GAB1: variants seen among roughly 807,000 people sequenced by gnomAD.
GAB1 encodes the protein GRB2-associated-binding protein 1.
In GAB1, 19 loss-of-function variants were observed where a neutral mutation model predicts 66.5. The ratio of observed to expected loss-of-function variants is 0.29; its 90% confidence interval spans 0.20 to 0.42. GAB1 has a LOEUF of 0.42. Among genes scored for constraint, GAB1 ranks in the 10% least tolerant of loss-of-function variants. The pLI, the probability that GAB1 is intolerant of heterozygous loss-of-function variation, is 1.00. For synonymous variants in GAB1, 294 were observed against 301.4 expected (o/e 0.98, Z 0.25); for missense variants, 732 against 858.5 (o/e 0.85, Z 1.84).
At chr4:143,350,806 A>G (rs892685531) in intron 1 of GAB1, among the ~76,000 whole-genome samples, 1 of 152,222 alleles carries the variant, frequency 6.6e-6, no homozygotes, top group African/African-American at 2.4e-5. Flanking sequence ...ATTATGTAAA[A>G]AAATGTGTTC....
At chr4:143,460,219 A>G in intron 7 of GAB1, 145 bp from the exon 8 acceptor site, 1 of 653,204 alleles carries the variant, frequency 1.5e-6, no homozygotes, top group Non-Finnish European at 2.5e-6. Flanking sequence ...CAAAAATTAC[A>G]TCATTATAAA....
intron 1 of GAB1, among the ~76,000 whole-genome samples, chr4:143,387,271 A>G (rs1348272342): frequency 1.3e-5 from 2 of 152,180 alleles, no homozygotes; most frequent in East Asian, 3.9e-4. Flanking sequence ...AGCTGGGATT[A>G]CAGGCATGCG....
intron 6 of GAB1, among the ~76,000 whole-genome samples, chr4:143,448,766 G>T (rs1443090663): frequency 2.0e-5 from 3 of 151,394 alleles, no homozygotes; most frequent in Non-Finnish European, 4.4e-5. Flanking sequence ...AATTTTTGAA[G>T]GGTTTTTTGT....
intron 1 of GAB1, among the ~76,000 whole-genome samples, chr4:143,367,976 C>T (rs1356068499): frequency 2.0e-5 from 3 of 152,006 alleles, no homozygotes; most frequent in Non-Finnish European, 4.4e-5. Context: ...CCATCCGCCT[C>T]AGCCTCCCAA....
intron 1 of GAB1, among the ~76,000 whole-genome samples, chr4:143,369,236 C>T (rs1033075445): frequency 7.9e-5 from 12 of 152,110 alleles, no homozygotes; most frequent in Middle Eastern, 3.4e-3. Flanking sequence ...CCACCGCACC[C>T]GGCCATTTTT....
At chr4:143,337,289 G>C (rs1316276364) in intron 1 of GAB1, 29 bp downstream of exon 1, 2 of 1,550,982 alleles carry the variant, frequency 1.3e-6, no homozygotes, top group South Asian at 1.2e-5. Flanking sequence ...ACCACTCCGC[G>C]GGCCTCGGCG....
chr4:143,455,458 A>T (rs1312166062), intron 6 of GAB1, among the ~76,000 whole-genome samples: 4 of 152,202 alleles, frequency 2.6e-5, no homozygotes, highest in Non-Finnish European at 5.9e-5. Flanking sequence ...AGCAAAGCTG[A>T]GAAATGCAAA....
At chr4:143,426,405 A>T (rs1352013765) in intron 2 of GAB1, among the ~76,000 whole-genome samples, 1 of 152,226 alleles carries the variant, frequency 6.6e-6, no homozygotes, top group African/African-American at 2.4e-5. Context: ...TAAAAAATTA[A>T]CCAGATGTGG....
At position 143,469,320 on chromosome 4, in the gene GAB1, T is replaced by A. The variant is rs1735969327; in HGVS notation, c.*131T>A. ...TAGAGTTGAAGTCAAAGGACCTTTC[T>A]GACATAATCAAGCAATTTAGACTTA... On this transcript the variant is annotated 3_prime_UTR_variant, in exon 10 of 10. Transcript: ENST00000262994. 2.1e-6 allele frequency: 2 copies of A among 931,898 alleles called. No homozygotes were observed. The highest frequency in any genetic ancestry group is 3.6e-5 in the South Asian group (2 of 55,962). The allele number at this position is 931,898 out of a possible 1,614,324, so 57.7% of individuals were successfully genotyped here.
chr4:143,429,528 C>T (rs143004161), intron 2 of GAB1, among the ~76,000 whole-genome samples: 111 of 152,236 alleles, frequency 7.3e-4, no homozygotes, highest in African/African-American at 2.6e-3. Context: ...GTTGGGTAAA[C>T]GCCTCTCTTC....
At chr4:143,419,814 G>T (rs1253473655) in intron 2 of GAB1, among the ~76,000 whole-genome samples, 1 of 152,076 alleles carries the variant, frequency 6.6e-6, no homozygotes, top group Admixed American at 6.6e-5. Context: ...TGAAGTATTT[G>T]TTGAGTTTCT....
intron 1 of GAB1, 105 bp from the exon 2 acceptor site, chr4:143,415,372 C>A: frequency 1.1e-6 from 1 of 905,170 alleles, no homozygotes; most frequent in Non-Finnish European, 1.6e-6. Context: ...CATATTGTGA[C>A]TTTCTCTAAA....
At chr4:143,430,824 T>G (rs530845271) in intron 2 of GAB1, among the ~76,000 whole-genome samples, 1 of 152,348 alleles carries the variant, frequency 6.6e-6, no homozygotes, top group Admixed American at 6.5e-5. Context: ...ACTTGGAATT[T>G]CTTTTGCAAG....
chr4:143,344,930 A>C (rs1185354025), intron 1 of GAB1, among the ~76,000 whole-genome samples: 1 of 152,202 alleles, frequency 6.6e-6, no homozygotes, highest in African/African-American at 2.4e-5. Context: ...AATTAAGACT[A>C]TGCACTGTAA....
At chr4:143,404,025 T>A (rs1241235973) in intron 1 of GAB1, among the ~76,000 whole-genome samples, 1 of 152,240 alleles carries the variant, frequency 6.6e-6, no homozygotes, top group East Asian at 1.9e-4. Flanking sequence ...AATGTGAAAG[T>A]GTTGTTTTTA....
rs1459774362 is a variant in GAB1, at chr4:143,460,431, C to A, written c.1747C>A (p.His583Asn). 1 of 1,613,416 alleles carries A rather than the reference C, an allele frequency of 6.2e-7. No homozygotes were observed. The highest frequency in any genetic ancestry group is 8.5e-7 in the Non-Finnish European group (1 of 1,179,532). The change falls in exon 8 of 10, where the codon CAC (histidine) becomes AAC (asparagine). Residue 583 changes from histidine to asparagine, a missense_variant. His to Asn is a moderately conservative substitution (Grantham distance 68). Coordinates refer to ENST00000262994, the MANE Select transcript of GAB1 (RefSeq NM_002039.4). Reference protein sequence around the residue: ...VHSTTSSSDSHDSEENYVPMN... With the variant: ...VHSTTSSSDSNDSEENYVPMN... Reference sequence around the variant, plus strand: ...TAGCACAACTTCAAGCAGTGACTCACACGACAGTGAAGAGAATTATGTTCC... The same window carrying A: ...TAGCACAACTTCAAGCAGTGACTCAAACGACAGTGAAGAGAATTATGTTCC...
At chr4:143,411,533 C>T (rs776368454) in intron 1 of GAB1, among the ~76,000 whole-genome samples, 1 of 152,134 alleles carries the variant, frequency 6.6e-6, no homozygotes, top group African/African-American at 2.4e-5. Flanking sequence ...AAAGCCTGTC[C>T]TTTTTGTCTG....
At chr4:143,364,286 G>A (rs1005575436) in intron 1 of GAB1, among the ~76,000 whole-genome samples, 1 of 151,142 alleles carries the variant, frequency 6.6e-6, no homozygotes, top group Non-Finnish European at 1.5e-5. Context: ...TCCTTCCTAC[G>A]TGCATGGGCT....
intron 2 of GAB1, among the ~76,000 whole-genome samples, chr4:143,417,213 A>G (rs1274127163): frequency 1.3e-5 from 2 of 152,190 alleles, no homozygotes; most frequent in Non-Finnish European, 2.9e-5. Context: ...AGGAAAGAAC[A>G]GACCCAGAGA....
Sources: gnomAD v4.1 joint callset for allele counts (sites outside exome capture counted in the v4.1 genomes callset) on GRCh38, gnomAD v4.1.1 for gene constraint, MANE v1.5 for transcripts, NCBI Gene and HGNC (gene_info 2026-07-23, HGNC 2026-07-21) for gene names.